NXPE2: variants seen among roughly 807,000 people sequenced by gnomAD.
The protein encoded by NXPE2 is neurexophilin and PC-esterase domain family member 2, also known as NXPE family member 2.
A neutral mutation model predicts 34.4 loss-of-function variants in NXPE2; 34 were observed. The observed-to-expected ratio is 0.99, with a 90% CI of 0.75 to 1.31. The LOEUF (loss-of-function observed/expected upper bound fraction) is 1.31, where lower values mean the gene tolerates loss of function less well. Among genes scored for constraint, NXPE2 ranks in the 40% most tolerant of loss-of-function variants. The pLI is 0.00. For missense variants in NXPE2, 649 were observed against 672.5 expected, an observed-to-expected ratio of 0.97 and a Z score of 0.39; for synonymous variants, 235 against 231.3, an observed-to-expected ratio of 1.02 and a Z score of -0.15.
chr11:114,799,812 AGAGTTCATCTCATGACCGGC>A, the NXPE2 span, among the ~76,000 whole-genome samples: 1 of 152,152 alleles, frequency 6.6e-6, no homozygotes, highest in Non-Finnish European at 1.5e-5. Flanking sequence ...ACAAGCCTAG[AGAGTTCATCTCATGACCGGC>A]GGTGTTAACA....
the NXPE2 span, among the ~76,000 whole-genome samples, chr11:114,654,317 TG>T: frequency 6.6e-6 from 1 of 152,090 alleles, no homozygotes; most frequent in Non-Finnish European, 1.5e-5. Context: ...TCAGGAAAGT[TG>T]TTTAAAATCT....
the NXPE2 span, among the ~76,000 whole-genome samples, chr11:114,565,999 G>C: frequency 4.6e-5 from 7 of 152,174 alleles, no homozygotes; most frequent in African/African-American, 1.7e-4. Flanking sequence ...GACAATTTAT[G>C]ACTACCTGTA....
At chr11:114,631,417 G>A in the NXPE2 span, among the ~76,000 whole-genome samples, 9 of 150,444 alleles carry the variant, frequency 6.0e-5, no homozygotes, top group South Asian at 6.3e-4. Flanking sequence ...GTAAACTATC[G>A]CAAGAACAAA....
upstream of NXPE2, among the ~76,000 whole-genome samples, chr11:114,674,636 T>A (rs147433585): frequency 6.6e-5 from 10 of 151,194 alleles, no homozygotes; most frequent in East Asian, 1.9e-3. Context: ...ACAAAGTAAC[T>A]ACAAAGCAGT....
At chr11:114,635,519 G>T in the NXPE2 span, among the ~76,000 whole-genome samples, 2 of 152,034 alleles carry the variant, frequency 1.3e-5, no homozygotes, top group South Asian at 2.1e-4. Flanking sequence ...GGAGTGGTGA[G>T]AGAGGGCATC....
At chr11:114,703,167 A>C (rs904613612) in intron 3 of NXPE2, among the ~76,000 whole-genome samples, 1 of 152,220 alleles carries the variant, frequency 6.6e-6, no homozygotes, top group Admixed American at 6.5e-5. Flanking sequence ...GGTGAAGAGT[A>C]GATGAAGATG....
chr11:114,803,679 C>A, the NXPE2 span, among the ~76,000 whole-genome samples: 2 of 151,762 alleles, frequency 1.3e-5, no homozygotes, highest in African/African-American at 4.8e-5. Context: ...TGGGTTCAAG[C>A]AATTCTCCTG....
chr11:114,490,162 C>A, the NXPE2 span, among the ~76,000 whole-genome samples: 2 of 152,134 alleles, frequency 1.3e-5, no homozygotes, highest in Non-Finnish European at 2.9e-5. Flanking sequence ...ACGTGAAGGA[C>A]CTCTTCAAGA....
chr11:114,797,410 A>C, the NXPE2 span, among the ~76,000 whole-genome samples: 1 of 152,168 alleles, frequency 6.6e-6, no homozygotes, highest in Non-Finnish European at 1.5e-5. Context: ...CTGGGCCCAC[A>C]GCCCAGCAGA....
chr11:114,551,965 G>A, the NXPE2 span: 1 of 152,172 alleles, frequency 6.6e-6, no homozygotes, highest in Non-Finnish European at 1.5e-5. Context: ...TTGCCTCTTT[G>A]TCCCTTACCA....
Position 114,678,543 on chromosome 11 carries a change from T to C in NXPE2, c.-33T>C. 1 of 1,527,884 alleles carries C rather than the reference T, an allele frequency of 6.5e-7. No individual in the cohort carries two copies. 94.6% of individuals were successfully genotyped at this position (1,527,884 alleles called of 1,614,324 possible). A position where few individuals can be genotyped will look rare whatever the true frequency, so the allele number is the denominator to read the frequency against. The stretch of plus-strand genomic sequence containing the variant: ...GACTGCTTTAATCAAGGAGAGTCTC[T>C]GGACACTATAATTCCTGTGAGAACA... On this transcript the variant is annotated 5_prime_UTR_variant, in exon 1 of 6. Transcript: ENST00000389586.
chr11:114,641,523 A>G, the NXPE2 span, among the ~76,000 whole-genome samples: 3 of 152,102 alleles, frequency 2.0e-5, no homozygotes, highest in Non-Finnish European at 2.9e-5. Context: ...TGAGAGGGAA[A>G]TATGTAACTG....
the NXPE2 span, among the ~76,000 whole-genome samples, chr11:114,649,175 T>C: frequency 6.6e-6 from 1 of 152,078 alleles, no homozygotes; most frequent in Non-Finnish European, 1.5e-5. Context: ...CCTTTACTTT[T>C]GAAGGGTCTG....
the NXPE2 span, among the ~76,000 whole-genome samples, chr11:114,645,953 A>C: frequency 1.3e-5 from 2 of 152,224 alleles, no homozygotes; most frequent in East Asian, 3.9e-4. Context: ...ACATCTAGTA[A>C]AATTAAATAT....
chr11:114,684,606 A>G (rs1480118302), intron 2 of NXPE2, among the ~76,000 whole-genome samples: 1 of 152,080 alleles, frequency 6.6e-6, no homozygotes, highest in Non-Finnish European at 1.5e-5. Context: ...GGTAGTGGAG[A>G]AAGTGCACAT....
chr11:114,744,433 C>CGTGCTATTCAG, the NXPE2 span, among the ~76,000 whole-genome samples: 40,778 of 152,118 alleles, frequency 0.27, 5,975 homozygotes, highest in East Asian at 0.43. Context: ...ACAAACATGA[C>CGTGCTATTCAG]ATTTATTGTT....
rs77560874 is a variant in NXPE2 at position 114,692,739 on chromosome 11, G to A, written c.133-5306G>A. 1.4e-3 allele frequency among the ~76,000 whole-genome samples: 220 copies of A among 152,276 alleles called. 2 individuals carry two copies. The East Asian group carries it at 0.04, about 27-fold the overall frequency. ...TGATGTTTCCTGTTTCTTCTCTGAT[G>A]AATCCAAGCATTCTCTACTAGCTAA... On this transcript the variant is annotated intron_variant, in intron 2 of 5. Coordinates refer to ENST00000389586, the MANE Select transcript of NXPE2 (RefSeq NM_182495.6).
upstream of NXPE2, among the ~76,000 whole-genome samples, chr11:114,673,720 T>C (rs1283007544): frequency 6.6e-6 from 1 of 151,864 alleles, no homozygotes; most frequent in African/African-American, 2.4e-5. Context: ...AATTGAGTCA[T>C]GCAATACTGC....
At chr11:114,586,904 A>G in the NXPE2 span, among the ~76,000 whole-genome samples, 3 of 152,130 alleles carry the variant, frequency 2.0e-5, no homozygotes, top group Admixed American at 1.3e-4. Flanking sequence ...CTGGGAATAT[A>G]GCTCATGGGA....
Sources: gnomAD v4.1 joint callset for allele counts (sites outside exome capture counted in the v4.1 genomes callset) on GRCh38, gnomAD v4.1.1 for gene constraint, MANE v1.5 for transcripts, NCBI Gene and HGNC (gene_info 2026-07-23, HGNC 2026-07-21) for gene names.